PCDHA8: variants seen among roughly 807,000 people sequenced by gnomAD.
The protein encoded by PCDHA8 is protocadherin alpha 8, also known as protocadherin alpha-8.
Under a neutral mutation model 61.8 loss-of-function variants are expected in PCDHA8, and 53 were observed. The ratio of observed to expected loss-of-function variants is 0.86; its 90% CI spans 0.69 to 1.08. PCDHA8 has a LOEUF of 1.08. PCDHA8 is among the 50% of genes least tolerant of loss of function. The pLI is 0.00. For missense variants in PCDHA8, 1,293 were observed against 1,245.0 expected (o/e 1.04, Z -0.58); for synonymous variants, 618 against 556.6 (o/e 1.11, Z -1.55).
At chr5:140,870,641 G>C in intron 1 of PCDHA8, 1 of 1,612,818 alleles carries the variant, frequency 6.2e-7, no homozygotes, top group South Asian at 1.1e-5. Context: ...CACGCGGAGA[G>C]CGGCAAGGTG....
chr5:140,856,028 G>T, intron 1 of PCDHA8: 1 of 1,560,948 alleles, frequency 6.4e-7, no homozygotes, highest in East Asian at 2.3e-5. Flanking sequence ...TCGTCGATTT[G>T]TAAAACAAGA....
rs1246720296 is a variant in PCDHA8, at chr5:140,996,308, AAGGGGGG to A, written c.2543-13314_2543-13308del. 2.6e-5 allele frequency among the ~76,000 whole-genome samples: 4 copies of A among 152,358 alleles called. No individual in the cohort carries two copies. The East Asian group carries it at 5.8e-4, about 22-fold the overall frequency. On this transcript the variant is annotated intron_variant, in intron 3 of 3. Coordinates refer to ENST00000531613, the MANE Select transcript of PCDHA8 (RefSeq NM_018911.3). ...CAAGAAGCACAGATTGTAACAAAGT[AAGGGGGG>A]AGGGTAGAGAAGAAAAGTTTGAAAA... is the stretch of plus-strand genomic sequence containing the variant.
intron 3 of PCDHA8, among the ~76,000 whole-genome samples, chr5:141,008,308 TA>T (rs1554261716): frequency 6.6e-6 from 1 of 152,214 alleles, no homozygotes; most frequent in East Asian, 1.9e-4. Flanking sequence ...CCCTAAACTG[TA>T]ATTGAACATA....
chr5:140,858,376 A>ACATC, intron 1 of PCDHA8: 1 of 1,587,998 alleles, frequency 6.3e-7, no homozygotes, highest in Non-Finnish European at 8.6e-7. Flanking sequence ...GCCTTCCACC[A>ACATC]TGCCCAATGG....
At chr5:140,914,079 A>G (rs2076595090) in intron 1 of PCDHA8, among the ~76,000 whole-genome samples, 1 of 152,164 alleles carries the variant, frequency 6.6e-6, no homozygotes, top group South Asian at 2.1e-4. Context: ...ATAACTATCT[A>G]TTAGGTCAAT....
chr5:140,915,785 A>T (rs188846929), intron 1 of PCDHA8, among the ~76,000 whole-genome samples: 14 of 152,134 alleles, frequency 9.2e-5, no homozygotes, highest in Admixed American at 7.2e-4. Flanking sequence ...TGCTGTAACC[A>T]CTACCTGACT....
chr5:140,922,527 C>T (rs1436336713), intron 1 of PCDHA8, among the ~76,000 whole-genome samples: 2 of 152,130 alleles, frequency 1.3e-5, no homozygotes, highest in East Asian at 3.9e-4. Flanking sequence ...AAGATTGAAC[C>T]TAAGGATGTG....
chr5:140,928,829 T>C, intron 1 of PCDHA8: 1 of 1,614,170 alleles, frequency 6.2e-7, no homozygotes, highest in Non-Finnish European at 8.5e-7. Context: ...GACCCACCAC[T>C]TTCCTCCTCT....
At position 140,925,553 on chromosome 5, in the gene PCDHA8, A is replaced by G. The variant is rs183194732; in HGVS notation, c.2395-53396A>G. 8.0e-3 allele frequency among the ~76,000 whole-genome samples: 1,211 copies of G among 152,074 alleles called. 7 individuals carry two copies. The highest frequency in any genetic ancestry group is 0.019 in the African/African-American group (785 of 41,482). On this transcript the variant is annotated intron_variant, in intron 1 of 3. Transcript: ENST00000531613. The stretch of plus-strand genomic sequence containing the variant: ...AGGAGAAATACCTAATGTAAATGAC[A>G]AGTTAATGGGTGCAGCACACCAACA...
At chr5:140,892,120 A>G (rs1242162429) in intron 1 of PCDHA8, among the ~76,000 whole-genome samples, 1 of 152,216 alleles carries the variant, frequency 6.6e-6, no homozygotes, top group Non-Finnish European at 1.5e-5. Context: ...TATATCTGGA[A>G]CACAATAAGC....
rs2150435239 is a variant in PCDHA8, at chr5:140,849,330, T to C, written c.2394+5615T>C. On this transcript the variant is annotated intron_variant, in intron 1 of 3. Transcript: ENST00000531613. Reference sequence around the variant, plus strand: ...CGAAGGCTTGAATGGGGATATTATTTACTCCTTCTCCAGTGATGTTTCTCC... The same window carrying C: ...CGAAGGCTTGAATGGGGATATTATTCACTCCTTCTCCAGTGATGTTTCTCC... 7 of 1,375,184 alleles carry C rather than the reference T, an allele frequency of 5.1e-6. No individual in the cohort carries two copies. In the South Asian group the frequency reaches 8.9e-5, roughly 17 times the overall value. 85.2% of individuals were successfully genotyped at this position (1,375,184 alleles called of 1,614,324 possible).
intron 1 of PCDHA8, chr5:140,883,443 A>AT (rs1554178222): frequency 6.2e-7 from 1 of 1,614,136 alleles, no homozygotes; most frequent in Admixed American, 1.7e-5. Flanking sequence ...TTGACGCCGC[A>AT]TGTCCCCTTC....
At chr5:140,947,550 G>T (rs967081376) in intron 1 of PCDHA8, among the ~76,000 whole-genome samples, 1 of 151,402 alleles carries the variant, frequency 6.6e-6, no homozygotes, top group Non-Finnish European at 1.5e-5. Flanking sequence ...AAAGAATTCC[G>T]CTGGGATTTA....
chr5:140,922,735 G>C (rs1370700616), intron 1 of PCDHA8, among the ~76,000 whole-genome samples: 1 of 152,078 alleles, frequency 6.6e-6, no homozygotes, highest in Non-Finnish European at 1.5e-5. Context: ...ACAAGGTTGA[G>C]AAAAATAAAT....
chr5:140,853,640 A>G, intron 1 of PCDHA8: 1 of 988,756 alleles, frequency 1.0e-6, no homozygotes, highest in Non-Finnish European at 1.2e-6. Context: ...CACAGACCTA[A>G]ATTGAGCCTG....
chr5:140,884,586 G>A (rs782106355), intron 1 of PCDHA8: 1 of 1,614,250 alleles, frequency 6.2e-7, no homozygotes, highest in Admixed American at 1.7e-5. Flanking sequence ...ATGGCCTTCA[G>A]TCCCAGCCTT....
At chr5:140,923,020 G>A (rs946669637) in intron 1 of PCDHA8, among the ~76,000 whole-genome samples, 6 of 152,228 alleles carry the variant, frequency 3.9e-5, no homozygotes, top group Admixed American at 1.3e-4. Context: ...CTGCAGTTTC[G>A]GACTCTATTA....
chr5:140,963,907 A>C (rs1303006789), intron 1 of PCDHA8, among the ~76,000 whole-genome samples: 1 of 152,240 alleles, frequency 6.6e-6, no homozygotes, highest in Non-Finnish European at 1.5e-5. Flanking sequence ...AGTAAAGTGA[A>C]GCTTAGGCTA....
chr5:140,883,685 C>T (rs782100865), intron 1 of PCDHA8: 50 of 1,613,734 alleles, frequency 3.1e-5, no homozygotes, highest in Non-Finnish European at 3.7e-5. Context: ...GCCGGGCTGC[C>T]ACATCTTCAC....
Sources: allele counts gnomAD v4.1 joint callset (sites outside exome capture counted in the v4.1 genomes callset), GRCh38; gene constraint gnomAD v4.1.1; transcripts MANE v1.5; gene names NCBI Gene and HGNC (gene_info 2026-07-23, HGNC 2026-07-21).